The following NF1 variants were observed in gnomAD, a reference collection of about 807,000 sequenced individuals.
The protein encoded by NF1 is neurofibromin.
In NF1, 122 loss-of-function variants were observed where a neutral mutation model predicts 325.7. That is an observed-to-expected ratio of 0.37 (90% CI 0.32 to 0.44). NF1 has a LOEUF of 0.44. NF1 is among the 20% of genes least tolerant of loss of function. The pLI is 1.00. For missense variants in NF1, 2,140 were observed against 3,415.4 expected, an observed-to-expected ratio of 0.63 and a Z score of 9.31; for synonymous variants, 1,091 against 1,186.0, an observed-to-expected ratio of 0.92 and a Z score of 1.65.
intron 48 of NF1, among the ~76,000 whole-genome samples, chr17:31,343,580 T>G (rs2069886826): frequency 1.3e-5 from 2 of 152,114 alleles, no homozygotes; most frequent in South Asian, 4.1e-4. Flanking sequence ...TATATCTGTC[T>G]TAATGAGTTG....
At chr17:31,100,180 T>C (rs1912188232) in intron 1 of NF1, among the ~76,000 whole-genome samples, 1 of 152,160 alleles carries the variant, frequency 6.6e-6, no homozygotes, top group Non-Finnish European at 1.5e-5. Flanking sequence ...TTTTAGAGGT[T>C]GTAGTAGCAT....
chr17:31,365,540 T>C (rs2070499440), intron 57 of NF1, among the ~76,000 whole-genome samples: 1 of 152,206 alleles, frequency 6.6e-6, no homozygotes, highest in African/African-American at 2.4e-5. Context: ...TAACAAATTC[T>C]AAGTGTGCAC....
chr17:31,288,898 T>C (rs2068295297), intron 36 of NF1, among the ~76,000 whole-genome samples: 1 of 152,132 alleles, frequency 6.6e-6, no homozygotes, highest in South Asian at 2.1e-4. Context: ...TTTTCTTTGA[T>C]CTTTCTTTTC....
Position 31,231,757 on chromosome 17 carries a change from A to G in NF1, c.3198-316A>G, listed in dbSNP as rs1383978456. 6.6e-6 allele frequency among the ~76,000 whole-genome samples: 1 copy of G among 152,070 alleles called. No individual in the cohort carries two copies. Among genetic ancestry groups the G allele is most frequent in the Non-Finnish European group, 1.5e-5 (1 of 67,998 alleles). ...TTTTTCCCCCAAATATTTTCAATCC[A>G]TGGGTGGTTGAATCCATGGATATAG... is the stretch of plus-strand genomic sequence containing the variant. On this transcript the variant is annotated intron_variant, in intron 24 of 57. Coordinates refer to ENST00000358273, the MANE Select transcript of NF1 (RefSeq NM_001042492.3).
chr17:31,289,587 A>AT (rs1250607596), intron 36 of NF1, among the ~76,000 whole-genome samples: 2 of 151,900 alleles, frequency 1.3e-5, no homozygotes, highest in East Asian at 1.9e-4. Flanking sequence ...ATGTCCTATA[A>AT]TTTTTTCTTA....
At chr17:31,277,373 C>T (rs944874348) in intron 36 of NF1, among the ~76,000 whole-genome samples, 3 of 152,082 alleles carry the variant, frequency 2.0e-5, no homozygotes, top group Non-Finnish European at 2.9e-5. Context: ...GAGGGGGTCT[C>T]CAAGACGCCA....
chr17:31,223,294 A>C (rs1315803627), intron 15 of NF1, 150 bp from the exon 16 acceptor site: 2 of 906,236 alleles, frequency 2.2e-6, no homozygotes, highest in Non-Finnish European at 3.5e-6. Context: ...TGCTATTGAC[A>C]CTTTGATAAC....
rs753641520 is a variant in NF1, at chr17:31,258,295, T to TTTATATTAATTCAAACCTTATACTCA, written c.4174-48_4174-23dup. On this transcript the variant is annotated intron_variant, in intron 31 of 57. Coordinates refer to ENST00000358273, the MANE Select transcript of NF1 (RefSeq NM_001042492.3). ...CCTTTGAACTCTTTGTTTTCATGTC[T>TTTATATTAATTCAAACCTTATACTCA]TTATATTAATTCAAACCTTATACTC... The TTTATATTAATTCAAACCTTATACTCA allele has an allele frequency of 3.9e-5, 63 of 1,607,800 alleles. No individual in the cohort carries two copies. In the East Asian group the frequency reaches 1.3e-3, roughly 32 times the overall value.
chr17:31,151,252 G>C (rs1049349004), intron 1 of NF1, among the ~76,000 whole-genome samples: 5 of 152,084 alleles, frequency 3.3e-5, no homozygotes, highest in Admixed American at 3.3e-4. Flanking sequence ...ATACCATATA[G>C]CCTAGAGGTG....
intron 36 of NF1, among the ~76,000 whole-genome samples, chr17:31,286,063 C>T (rs890302806): frequency 5.9e-5 from 9 of 152,026 alleles, no homozygotes; most frequent in African/African-American, 1.7e-4. Flanking sequence ...TCAAGTGATT[C>T]CTTGATCCTT....
chr17:31,160,142 G>A (rs1299797608), intron 3 of NF1, among the ~76,000 whole-genome samples: 1 of 152,186 alleles, frequency 6.6e-6, no homozygotes, highest in Admixed American at 6.5e-5. Context: ...CTGAAGTGCA[G>A]TGGCACCCTC....
rs531643862 is a variant in NF1, at chr17:31,262,753, C to A, written c.4724+896C>A. Among the ~76,000 whole-genome samples, 3 of 151,986 alleles carry A rather than the reference C, an allele frequency of 2.0e-5. No homozygotes were observed. The South Asian group carries it at 6.2e-4, about 31-fold the overall frequency. On this transcript the variant is annotated intron_variant, in intron 35 of 57. Transcript: ENST00000358273. ...AATGTATGGGTATATAGTGTCCTTT[C>A]CAAATTAATTTTTATTTTTAGCTCT...
At chr17:31,141,974 G>T (rs1400685448) in intron 1 of NF1, among the ~76,000 whole-genome samples, 2 of 152,162 alleles carry the variant, frequency 1.3e-5, no homozygotes, top group African/African-American at 4.8e-5. Context: ...AAACTTAGGT[G>T]AATTTTAATG....
chr17:31,232,640 G>T, intron 25 of NF1, 60 bp from the exon 26 acceptor site: 1 of 1,499,506 alleles, frequency 6.7e-7, no homozygotes, highest in Non-Finnish European at 9.2e-7. Flanking sequence ...TGGAATGTCT[G>T]GTTAGCTTTC....
chr17:31,362,032 A>G (rs1478951883), intron 57 of NF1, among the ~76,000 whole-genome samples: 2 of 152,242 alleles, frequency 1.3e-5, no homozygotes, highest in Middle Eastern at 3.4e-3. Flanking sequence ...GTGTTTCTCC[A>G]CGTGTGATCC....
chr17:31,194,996 A>T (rs1490846720), intron 8 of NF1, among the ~76,000 whole-genome samples: 10 of 152,136 alleles, frequency 6.6e-5, no homozygotes, highest in Non-Finnish European at 4.4e-5. Context: ...TAGTAATGTG[A>T]ATTTGGGAAC....
In NF1 at chr17:31,200,462, A is replaced by T. The variant is rs1238509603; in HGVS notation, c.929A>T (p.His310Leu). The T allele has an allele frequency of 1.2e-6, 2 of 1,614,162 alleles. No homozygotes were observed. The highest frequency in any genetic ancestry group is 1.7e-6 in the Non-Finnish European group (2 of 1,180,020). Residue 310 changes from histidine to leucine, a missense_variant, in exon 9 of 58, where the codon CAT becomes CTT. Physicochemically the swap from His to Leu is moderately conservative, Grantham distance 99. Around this residue, in one of 10 missense-constraint regions of NF1, gnomAD observed 179 missense variants for 381.0 expected, o/e 0.47. Coordinates refer to ENST00000358273, the MANE Select transcript of NF1 (RefSeq NM_001042492.3). ...LDSLRKALAG[H>L]GGSRQLTESA... is the part of the protein sequence containing the mutation. ...AGTCTACGAAAAGCTCTTGCTGGCC[A>T]TGGAGGAAGTAGGCAGCTGACAGAA...
At chr17:31,294,460 T>C (rs2068418307) in intron 36 of NF1, 2 of 159,482 alleles carry the variant, frequency 1.3e-5, no homozygotes, top group Non-Finnish European at 2.8e-5. Context: ...ATGGCTTGTC[T>C]GTAAAATAAT....
chr17:31,143,558 C>T (rs575641996), intron 1 of NF1, among the ~76,000 whole-genome samples: 1 of 152,158 alleles, frequency 6.6e-6, no homozygotes, highest in Non-Finnish European at 1.5e-5. Flanking sequence ...AGGCATGAGC[C>T]ACCACACCTG....
Sources: allele counts gnomAD v4.1 joint callset (sites outside exome capture counted in the v4.1 genomes callset), GRCh38; gene constraint gnomAD v4.1.1; regional missense constraint gnomAD v4.1.1; transcripts MANE v1.5; gene names NCBI Gene and HGNC (gene_info 2026-07-23, HGNC 2026-07-21).